Variants in MGAT5B observed in about 807,000 individuals in gnomAD.
MGAT5B encodes the protein alpha-1,6-mannosylglycoprotein 6-beta-N-acetylglucosaminyltransferase B, also known as N-acetylglucosaminyl-transferase Vb.
A neutral mutation model predicts 95.1 loss-of-function variants in MGAT5B; 54 were observed. The observed-to-expected ratio is 0.57, with a 90% CI of 0.46 to 0.71. MGAT5B has a LOEUF of 0.71. Among genes scored for constraint, MGAT5B ranks in the 30% least tolerant of loss-of-function variants. The pLI is 0.00. For synonymous variants in MGAT5B, 464 were observed against 451.0 expected (o/e 1.03, Z -0.36); for missense variants, 935 against 1,088.6 (o/e 0.86, Z 1.99).
chr17:76,871,954 G>A (rs1438213772), intron 1 of MGAT5B, among the ~76,000 whole-genome samples: 1 of 152,178 alleles, frequency 6.6e-6, no homozygotes, highest in South Asian at 2.1e-4. Flanking sequence ...AGGGTTCTGT[G>A]CCTTGTTCCC....
At chr17:76,890,472 C>T (rs1017670421) in intron 3 of MGAT5B, among the ~76,000 whole-genome samples, 2 of 152,192 alleles carry the variant, frequency 1.3e-5, no homozygotes, top group African/African-American at 2.4e-5. Context: ...AGCAAAGTTC[C>T]ATAGCCTCGG....
Position 76,938,275 on chromosome 17 carries a change from C to A in MGAT5B, c.1584+132C>A. 8.0e-7 allele frequency: 1 copy of A among 1,250,254 alleles called. No homozygotes were observed. Among genetic ancestry groups the A allele is most frequent in the Non-Finnish European group, 1.1e-6 (1 of 903,402 alleles). 77.4% of individuals were successfully genotyped at this position (1,250,254 alleles called of 1,614,324 possible). A position where few individuals can be genotyped will look rare whatever the true frequency, so the allele number is the denominator to read the frequency against. ...CCCCAGCATGCTCTGCTGCCCTGAG[C>A]CCCACATCTGGCCAGAGCCCAGGGG... On this transcript the variant is annotated intron_variant, in intron 13 of 17. Coordinates refer to ENST00000569840, the MANE Select transcript of MGAT5B (RefSeq NM_001199172.2). This position sits in a 1 kb window ranked among gnomAD's most constrained non-coding sequence, Gnocchi z 4.3.
rs1306778195 is a variant in MGAT5B, at chr17:76,917,491, C to T, written c.1026-7475C>T. 1.3e-5 allele frequency among the ~76,000 whole-genome samples: 2 copies of T among 152,184 alleles called. No individual in the cohort carries two copies. Among genetic ancestry groups the T allele is most frequent in the African/African-American group, 4.8e-5 (2 of 41,442 alleles). ...GATCACAAAACACTATCCTATATCA[C>T]CACCTGCCCCTCAAGTCAGAGTAGC... On this transcript the variant is annotated intron_variant, in intron 8 of 17. Coordinates refer to ENST00000569840, the MANE Select transcript of MGAT5B (RefSeq NM_001199172.2). The surrounding 1 kb of genome is among the most constrained non-coding windows in gnomAD (Gnocchi z 6.1).
At chr17:76,935,938 C>G (rs1567823076) in intron 12 of MGAT5B, among the ~76,000 whole-genome samples, 1 of 136,168 alleles carries the variant, frequency 7.3e-6, no homozygotes, top group African/African-American at 2.7e-5. Context: ...ATTATATATA[C>G]TATATATTAT....
intron 6 of MGAT5B, 103 bp downstream of exon 6, chr17:76,904,525 C>T: frequency 2.3e-6 from 3 of 1,330,798 alleles, no homozygotes; most frequent in African/African-American, 2.9e-5. Flanking sequence ...GACTGAGCTG[C>T]TTGCCAGGTG....
rs1969763804 is a variant in MGAT5B at position 76,938,983 on chromosome 17, G to A, written c.1584+840G>A. ...TGTGAGCCACTGCACCTGGCCCCAG[G>A]CCCTCTCTTGATCTCACCATAGCTT... On this transcript the variant is annotated intron_variant, in intron 13 of 17. Transcript: ENST00000569840. This position sits in a 1 kb window ranked among gnomAD's most constrained non-coding sequence, Gnocchi z 4.3. 6.7e-6 allele frequency among the ~76,000 whole-genome samples: 1 copy of A among 150,060 alleles called. No homozygotes were observed. The highest frequency in any genetic ancestry group is 6.7e-5 in the Admixed American group (1 of 14,998).
intron 9 of MGAT5B, 90 bp from the exon 10 acceptor site, chr17:76,926,507 C>A: frequency 7.6e-7 from 1 of 1,309,640 alleles, no homozygotes; most frequent in Non-Finnish European, 1.1e-6. Flanking sequence ...CCACCACTGG[C>A]TGGTGACAGT....
chr17:76,885,601 G>C lies in MGAT5B; in HGVS notation c.329+3303G>C, dbSNP rs180957672. Among the ~76,000 whole-genome samples the C allele has an allele frequency of 9.9e-4, 150 of 152,282 alleles. 2 individuals carry two copies. Among genetic ancestry groups the C allele is most frequent in the Non-Finnish European group, 1.7e-3 (115 of 68,020 alleles). ...TCCTGGGGAAGGAGGGAACTTGTAG[G>C]GGGAGGGGGAATATGCGCCACCTCC... On this transcript the variant is annotated intron_variant, in intron 3 of 17. Coordinates refer to ENST00000569840, the MANE Select transcript of MGAT5B (RefSeq NM_001199172.2).
intron 2 of MGAT5B, among the ~76,000 whole-genome samples, chr17:76,880,279 C>T (rs1296732953): frequency 2.0e-5 from 3 of 152,128 alleles, no homozygotes; most frequent in African/African-American, 7.2e-5. Flanking sequence ...TGTTTTGCAG[C>T]CCTAGCCTGG....
At position 76,869,137 on chromosome 17, in the gene MGAT5B, G is replaced by A. The variant is rs199805389; in HGVS notation, c.68+40G>A. 1.3e-6 allele frequency: 2 copies of A among 1,576,554 alleles called. No homozygotes were observed. Among genetic ancestry groups the A allele is most frequent in the South Asian group, 1.1e-5 (1 of 90,302 alleles). On this transcript the variant is annotated intron_variant, in intron 1 of 17. Transcript: ENST00000569840. This position sits in a 1 kb window ranked among gnomAD's most constrained non-coding sequence, Gnocchi z 7.0. Reference sequence around the variant, plus strand: ...TGGTTGGTTTTTTCCCCAGGGGGGCGCCGGGTGGAGGTGGGCGAGGTCGGT... The same window carrying A: ...TGGTTGGTTTTTTCCCCAGGGGGGCACCGGGTGGAGGTGGGCGAGGTCGGT...
At chr17:76,881,971 C>G (rs1480451936) in intron 2 of MGAT5B, among the ~76,000 whole-genome samples, 180 bp from the exon 3 acceptor site, 3 of 152,250 alleles carry the variant, frequency 2.0e-5, no homozygotes, top group Non-Finnish European at 4.4e-5. Context: ...CTCTGCACCG[C>G]AAAGCAATGC....
intron 15 of MGAT5B, among the ~76,000 whole-genome samples, chr17:76,942,359 C>G (rs1567826544): frequency 6.6e-6 from 1 of 152,156 alleles, no homozygotes; most frequent in Non-Finnish European, 1.5e-5. Context: ...GAAACCCCAT[C>G]TCTACTAAAA....
At chr17:76,881,146 G>A (rs959124890) in intron 2 of MGAT5B, among the ~76,000 whole-genome samples, 4 of 152,198 alleles carry the variant, frequency 2.6e-5, no homozygotes, top group African/African-American at 9.7e-5. Flanking sequence ...TAATTAAAAA[G>A]GAAGGCGAGA....
At position 76,914,762 on chromosome 17, in the gene MGAT5B, C is replaced by T. The variant is rs180857240; in HGVS notation, c.1025+8575C>T. On this transcript the variant is annotated intron_variant, in intron 8 of 17. Transcript: ENST00000569840. This position sits in a 1 kb window ranked among gnomAD's most constrained non-coding sequence, Gnocchi z 5.1. Reference sequence around the variant, plus strand: ...AAGTGATTCTCCTGCCTCAGCCTCCCGAGTAGCTGGGACTACAGGAATGTG... The same window carrying T: ...AAGTGATTCTCCTGCCTCAGCCTCCTGAGTAGCTGGGACTACAGGAATGTG... Among the ~76,000 whole-genome samples, 58 of 152,236 alleles carry T rather than the reference C, an allele frequency of 3.8e-4. No individual in the cohort carries two copies. The highest frequency in any genetic ancestry group is 7.2e-4 in the Admixed American group (11 of 15,300).
rs561739707 is a variant in MGAT5B at position 76,916,272 on chromosome 17, G to A, written c.1026-8694G>A. On this transcript the variant is annotated intron_variant, in intron 8 of 17. Coordinates refer to ENST00000569840, the MANE Select transcript of MGAT5B (RefSeq NM_001199172.2). This position sits in a 1 kb window ranked among gnomAD's most constrained non-coding sequence, Gnocchi z 5.3. ...CCTCCCCTCATGCTCCACGCGCTGCGCTGGCGTCACAGGGAGTCTGTTTCT... is the reference window on the plus strand; with the variant it reads ...CCTCCCCTCATGCTCCACGCGCTGCACTGGCGTCACAGGGAGTCTGTTTCT... 8.5e-5 allele frequency among the ~76,000 whole-genome samples: 13 copies of A among 152,170 alleles called. No homozygotes were observed. The highest frequency in any genetic ancestry group is 8.3e-4 in the South Asian group (4 of 4,832).
rs943573730 is a variant in MGAT5B, at chr17:76,948,029, G to A, written c.2123G>A (p.Gly708Glu). Residue 708 changes from glycine (G) to glutamate (E), a missense_variant, in exon 17 of 18, where the codon GGG becomes GAG. By Grantham distance (98) the Gly-to-Glu change is moderately conservative (BLOSUM62 -2). Coordinates refer to ENST00000569840, the MANE Select transcript of MGAT5B (RefSeq NM_001199172.2). ...TGCACCGACACCTGCCTGGACCACG[G>A]GCTAATCTGTGAGCCCTCCTTCTTC... ...RACTDTCLDH[G>E]LICEPSFFPF... 1.2e-6 allele frequency: 2 copies of A among 1,613,002 alleles called. No individual in the cohort carries two copies. The highest frequency in any genetic ancestry group is 2.2e-5 in the East Asian group (1 of 44,864).
intron 12 of MGAT5B, among the ~76,000 whole-genome samples, chr17:76,936,554 T>G (rs1160773294): frequency 2.0e-5 from 3 of 152,240 alleles, no homozygotes; most frequent in African/African-American, 4.8e-5. Flanking sequence ...TCTTTCCTGT[T>G]TTTTTGTATA....
At position 76,868,912 on chromosome 17, in the gene MGAT5B, CT is replaced by C; in HGVS notation, c.-116del. ...AGGCCACCGGGCCGCGCGCTCCCAG[CT>C]TCGCTCGGACGCGGCTTCGGCCCGC... On this transcript the variant is annotated 5_prime_UTR_variant, in exon 1 of 18. Coordinates refer to ENST00000569840, the MANE Select transcript of MGAT5B (RefSeq NM_001199172.2). The surrounding 1 kb of genome is among the most constrained non-coding windows in gnomAD (Gnocchi z 6.3). The C allele has an allele frequency of 1.1e-6, 1 of 944,444 alleles. No homozygotes were observed. The highest frequency in any genetic ancestry group is 1.6e-6 in the Non-Finnish European group (1 of 639,422). The allele number at this position is 944,444 out of a possible 1,614,324, so 58.5% of individuals were successfully genotyped here. A position where few individuals can be genotyped will look rare whatever the true frequency, so the allele number is the denominator to read the frequency against.
chr17:76,896,123 C>T (rs1968057797), intron 3 of MGAT5B, among the ~76,000 whole-genome samples: 1 of 152,244 alleles, frequency 6.6e-6, no homozygotes, highest in Admixed American at 6.5e-5. Flanking sequence ...CCCCCCAGTC[C>T]AGCCCCTCTT....
Sources: allele counts gnomAD v4.1 joint callset (sites outside exome capture counted in the v4.1 genomes callset), GRCh38; gene constraint gnomAD v4.1.1; non-coding constraint Gnocchi (gnomAD v3.1); transcripts MANE v1.5; gene names NCBI Gene and HGNC (gene_info 2026-07-23, HGNC 2026-07-21).